The following KLHL20 variants were observed in gnomAD, a reference collection of about 807,000 sequenced individuals.
The protein encoded by KLHL20 is kelch like family member 20, also known as kelch-like protein 20.
A neutral mutation model predicts 69.5 loss-of-function variants in KLHL20; 29 were observed. The observed-to-expected ratio is 0.42, with a 90% CI of 0.31 to 0.57. The LOEUF (loss-of-function observed/expected upper bound fraction) is 0.57. KLHL20 is among the 20% of genes least tolerant of loss of function. The probability of loss-of-function intolerance (pLI) is 0.18; values close to 1 mark genes in which losing one functional copy is unlikely to be tolerated. For synonymous variants in KLHL20, 253 were observed against 265.2 expected, an observed-to-expected ratio of 0.95 and a Z score of 0.45; for missense variants, 419 against 776.0, an observed-to-expected ratio of 0.54 and a Z score of 5.47.
At chr1:173,719,525 A>C (rs1341469180) in intron 2 of KLHL20, among the ~76,000 whole-genome samples, 1 of 152,202 alleles carries the variant, frequency 6.6e-6, no homozygotes, top group African/African-American at 2.4e-5. Flanking sequence ...AGGCTGAGGC[A>C]GGAGAATCAC....
intron 2 of KLHL20, among the ~76,000 whole-genome samples, chr1:173,730,699 C>T (rs548201633): frequency 6.6e-6 from 1 of 152,306 alleles, no homozygotes; most frequent in East Asian, 1.9e-4. Context: ...CCCTTCATTA[C>T]ACCTTATACA....
At chr1:173,747,444 TTGTC>T (rs1282686519) in intron 3 of KLHL20, among the ~76,000 whole-genome samples, 1 of 152,080 alleles carries the variant, frequency 6.6e-6, no homozygotes, top group Non-Finnish European at 1.5e-5. Context: ...AAGTTCTAGT[TTGTC>T]TGATATCTGG....
chr1:173,718,622 G>A (rs892332493), intron 2 of KLHL20, among the ~76,000 whole-genome samples: 3 of 151,978 alleles, frequency 2.0e-5, no homozygotes, highest in Non-Finnish European at 4.4e-5. Flanking sequence ...CAGCTACTTA[G>A]GAGGCTGAAG....
chr1:173,731,256 TA>T (rs1206957783), intron 2 of KLHL20, among the ~76,000 whole-genome samples: 1 of 152,186 alleles, frequency 6.6e-6, no homozygotes, highest in Non-Finnish European at 1.5e-5. Context: ...GAAACACTTT[TA>T]CACTGTTGGT....
At chr1:173,774,602 C>T (rs1222525487) in intron 9 of KLHL20, among the ~76,000 whole-genome samples, 164 bp downstream of exon 9, 1 of 152,180 alleles carries the variant, frequency 6.6e-6, no homozygotes. Flanking sequence ...CCTCAGCTCC[C>T]ACTGTAGTCA....
intron 6 of KLHL20, among the ~76,000 whole-genome samples, chr1:173,756,647 A>AT (rs1340737409): frequency 1.3e-5 from 2 of 152,258 alleles, no homozygotes; most frequent in Non-Finnish European, 2.9e-5. Context: ...GTGAAAAAAC[A>AT]TTAAACAATT....
In KLHL20 at chr1:173,720,700, C is replaced by G. The variant is rs140932813; in HGVS notation, c.23+4634C>G. On this transcript the variant is annotated intron_variant, in intron 2 of 11. Coordinates refer to ENST00000209884, the MANE Select transcript of KLHL20 (RefSeq NM_014458.4). ...TGAGAGAAGTAGATGGAATTGAGAG[C>G]TTGTATAATAGTAAAATCAAAAGGA... 2.6e-5 allele frequency among the ~76,000 whole-genome samples: 4 copies of G among 152,056 alleles called. No individual in the cohort carries two copies. In the East Asian group the frequency reaches 7.7e-4, roughly 29 times the overall value.
intron 2 of KLHL20, among the ~76,000 whole-genome samples, chr1:173,720,668 T>G (rs540058484): frequency 1.8e-4 from 28 of 152,158 alleles, no homozygotes; most frequent in African/African-American, 6.7e-4. Context: ...TCTATGGCAG[T>G]GAGGGTTGAG....
rs758461649 is a variant in KLHL20, at chr1:173,785,226, T to C, written c.1809T>C (p.His603=). 1.9e-6 allele frequency: 3 copies of C among 1,611,142 alleles called. No homozygotes were observed. In the South Asian group the frequency reaches 3.3e-5, roughly 18 times the overall value. ...GCGTAGGAGTTATTAAAATGACACATTGTGAATCCCATATTTGGTGAACAC... is the reference window on the plus strand; with the variant it reads ...GCGTAGGAGTTATTAAAATGACACACTGTGAATCCCATATTTGGTGAACAC... The part of the protein sequence containing the change: ...GGGVGVIKMT[H]CESHIW The change falls in exon 12 of 12, where the codon CAT becomes CAC. Residue 603 remains histidine (H), a synonymous_variant. Coordinates refer to ENST00000209884, the MANE Select transcript of KLHL20 (RefSeq NM_014458.4).
At chr1:173,734,394 A>G (rs1180914557) in intron 3 of KLHL20, 108 bp downstream of exon 3, 10 of 903,756 alleles carry the variant, frequency 1.1e-5, no homozygotes, top group Admixed American at 1.0e-4. Context: ...TCTAACTCAT[A>G]ATAGCAAATA....
chr1:173,766,647 GAAA>G (rs59947652), intron 8 of KLHL20, among the ~76,000 whole-genome samples: 29 of 123,802 alleles, frequency 2.3e-4, no homozygotes, highest in African/African-American at 6.3e-4. Flanking sequence ...TATCAAGGGG[GAAA>G]AAAAAAAAAA....
intron 7 of KLHL20, among the ~76,000 whole-genome samples, chr1:173,762,242 A>C (rs1437397083): frequency 2.0e-5 from 3 of 149,686 alleles, no homozygotes; most frequent in East Asian, 1.9e-4. Flanking sequence ...AAATTACAAC[A>C]AAAAAAAAGT....
chr1:173,755,035 CTATTAGGAGATCAAAG>C (rs1673478729), intron 5 of KLHL20, among the ~76,000 whole-genome samples: 1 of 150,350 alleles, frequency 6.7e-6, no homozygotes, highest in Non-Finnish European at 1.5e-5. Context: ...ACCTAACAAG[CTATTAGGAGATCAAAG>C]TCTTTGTCTT....
chr1:173,758,106 CA>C (rs1015628467), intron 7 of KLHL20, among the ~76,000 whole-genome samples: 6 of 151,922 alleles, frequency 3.9e-5, no homozygotes, highest in African/African-American at 1.5e-4. Flanking sequence ...CTCATCTCTA[CA>C]AAAAATACAA....
chr1:173,736,624 C>T (rs1047105022), intron 3 of KLHL20, among the ~76,000 whole-genome samples: 6 of 151,262 alleles, frequency 4.0e-5, no homozygotes, highest in African/African-American at 1.5e-4. Context: ...GAAACAGAGT[C>T]TCACTGTGTT....
intron 2 of KLHL20, among the ~76,000 whole-genome samples, chr1:173,722,295 AATG>A (rs1671748469): frequency 6.6e-6 from 1 of 152,102 alleles, no homozygotes; most frequent in South Asian, 2.1e-4. Flanking sequence ...GCAAAAGATG[AATG>A]ATATTTCCTG....
intron 2 of KLHL20, among the ~76,000 whole-genome samples, chr1:173,731,829 C>T (rs1672292991): frequency 6.6e-6 from 1 of 151,844 alleles, no homozygotes; most frequent in Middle Eastern, 3.4e-3. Context: ...CAAACCTGCA[C>T]GTTGTGCACA....
chr1:173,753,751 T>C (rs1196058805), intron 5 of KLHL20, among the ~76,000 whole-genome samples: 1 of 152,216 alleles, frequency 6.6e-6, no homozygotes, highest in African/African-American at 2.4e-5. Context: ...GATCTGCCAC[T>C]TTCTAAAACA....
chr1:173,761,502 A>G (rs113550834), intron 7 of KLHL20, among the ~76,000 whole-genome samples: 1,907 of 152,328 alleles, frequency 0.013, 40 homozygotes, highest in African/African-American at 0.041. Flanking sequence ...ATGAGCCCCA[A>G]TAAACTTAAG....
Sources: gnomAD v4.1 joint callset for allele counts (sites outside exome capture counted in the v4.1 genomes callset) on GRCh38, gnomAD v4.1.1 for gene constraint, MANE v1.5 for transcripts, NCBI Gene and HGNC (gene_info 2026-07-23, HGNC 2026-07-21) for gene names.